ABLIM2: variants seen among roughly 807,000 people sequenced by gnomAD.
ABLIM2 encodes actin binding LIM protein family member 2.
ABLIM2 carries 53 observed loss-of-function variants against 97.7 expected under a neutral mutation model. The observed-to-expected ratio is 0.54, with a 90% CI of 0.44 to 0.68. The LOEUF (loss-of-function observed/expected upper bound fraction) is 0.68, where lower values mean the gene tolerates loss of function less well. Among genes scored for constraint, ABLIM2 ranks in the 30% least tolerant of loss-of-function variants. The probability of loss-of-function intolerance (pLI) is 0.00; values close to 1 mark genes in which losing one functional copy is unlikely to be tolerated. For synonymous variants in ABLIM2, 361 were observed against 345.8 expected, an observed-to-expected ratio of 1.04 and a Z score of -0.49; for missense variants, 835 against 867.2, an observed-to-expected ratio of 0.96 and a Z score of 0.47.
rs772319362 is a variant in ABLIM2 at position 8,095,621 on chromosome 4, C to T, written c.338+1478G>A. On this transcript the variant is annotated intron_variant, in intron 3 of 20. Transcript: ENST00000447017. This position sits in a 1 kb window ranked among gnomAD's most constrained non-coding sequence, Gnocchi z 4.7. The stretch of plus-strand genomic sequence containing the variant: ...CTGGTCTCCAGTTCCTGGTCTCAAG[C>T]GATCCTCCTACCTTGGCCTCCCGAG... Among the ~76,000 whole-genome samples, 26 of 152,082 alleles carry T rather than the reference C, an allele frequency of 1.7e-4. No individual in the cohort carries two copies. Among genetic ancestry groups the T allele is most frequent in the South Asian group, 4.1e-4 (2 of 4,822 alleles).
rs570937338 is a variant in ABLIM2 at position 8,001,101 on chromosome 4, G to C, written c.1618+6958C>G. ...GCACAGGTTCGGGTCCCCTCTCTGAGCCTTGGTGTGTCCATCTGAGGAAGA... is the reference window on the plus strand; with the variant it reads ...GCACAGGTTCGGGTCCCCTCTCTGACCCTTGGTGTGTCCATCTGAGGAAGA... On this transcript the variant is annotated intron_variant, in intron 16 of 20. Transcript: ENST00000447017. The surrounding 1 kb of genome is among the most constrained non-coding windows in gnomAD (Gnocchi z 4.2). Among the ~76,000 whole-genome samples, 1 of 152,206 alleles carries C rather than the reference G, an allele frequency of 6.6e-6. No homozygotes were observed. The highest frequency in any genetic ancestry group is 1.5e-5 in the Non-Finnish European group (1 of 68,030).
intron 8 of ABLIM2, among the ~76,000 whole-genome samples, chr4:8,047,919 G>C (rs1579735533): frequency 6.6e-6 from 1 of 152,226 alleles, no homozygotes; most frequent in East Asian, 1.9e-4. Flanking sequence ...GGGTGTTTTA[G>C]AAGAAAGATT....
At chr4:8,114,481 C>T (rs1014320521) in intron 1 of ABLIM2, among the ~76,000 whole-genome samples, 8 of 152,200 alleles carry the variant, frequency 5.3e-5, no homozygotes, top group African/African-American at 1.7e-4. Context: ...GGTCATGCCT[C>T]GGTTTAAGAG....
chr4:8,134,209 A>G (rs562731818), intron 1 of ABLIM2, among the ~76,000 whole-genome samples: 3 of 152,362 alleles, frequency 2.0e-5, no homozygotes, highest in East Asian at 3.9e-4. Context: ...CTCGAAGGCC[A>G]GGACTAAGCA....
At chr4:7,993,872 A>C (rs1181691148) in intron 16 of ABLIM2, 1 of 489,852 alleles carries the variant, frequency 2.0e-6, no homozygotes, top group African/African-American at 2.0e-5. Flanking sequence ...TCCCTCCATC[A>C]CTCATGTCCC....
At chr4:8,060,644 C>A (rs188607778) in intron 7 of ABLIM2, among the ~76,000 whole-genome samples, 1 of 152,208 alleles carries the variant, frequency 6.6e-6, no homozygotes, top group African/African-American at 2.4e-5. Context: ...AAAGTGGCGA[C>A]GGATGTGATC....
chr4:8,153,657 C>A (rs1183483251), intron 1 of ABLIM2, among the ~76,000 whole-genome samples: 1 of 152,228 alleles, frequency 6.6e-6, no homozygotes, highest in Non-Finnish European at 1.5e-5. Context: ...AGTGGCCCTG[C>A]AGAACGGAAT....
At chr4:8,029,399 A>T (rs1779408381) in intron 11 of ABLIM2, among the ~76,000 whole-genome samples, 1 of 152,112 alleles carries the variant, frequency 6.6e-6, no homozygotes, top group Non-Finnish European at 1.5e-5. Context: ...TGTGTGCTCC[A>T]CGGAGGGCTC....
rs574186657 is a variant in ABLIM2 at position 7,992,075 on chromosome 4, G to A, written c.1680+791C>T. On this transcript the variant is annotated intron_variant, in intron 17 of 20. Coordinates refer to ENST00000447017, the MANE Select transcript of ABLIM2 (RefSeq NM_001130083.2). This position sits in a 1 kb window ranked among gnomAD's most constrained non-coding sequence, Gnocchi z 5.7. ...TGCGCAATGGGGAGACCCCTGGGCT[G>A]TGTGTGTGTGTCTGTGTGTTGGGGG... Among the ~76,000 whole-genome samples, 3 of 152,188 alleles carry A rather than the reference G, an allele frequency of 2.0e-5. No individual in the cohort carries two copies. Among genetic ancestry groups the A allele is most frequent in the African/African-American group, 4.8e-5 (2 of 41,516 alleles).
At chr4:8,103,967 G>A (rs1367742624) in intron 2 of ABLIM2, among the ~76,000 whole-genome samples, 1 of 152,242 alleles carries the variant, frequency 6.6e-6, no homozygotes, top group East Asian at 1.9e-4. Flanking sequence ...TGTGGCAAAT[G>A]TATCTTCAGG....
intron 7 of ABLIM2, among the ~76,000 whole-genome samples, chr4:8,056,653 CCG>C (rs1354462404): frequency 4.0e-5 from 6 of 151,662 alleles, no homozygotes; most frequent in Non-Finnish European, 7.4e-5. Flanking sequence ...CTTGAACAGG[CCG>C]GGTGCTGTGG....
chr4:8,056,465 T>C (rs1799220373), intron 7 of ABLIM2, among the ~76,000 whole-genome samples: 1 of 151,854 alleles, frequency 6.6e-6, no homozygotes. Flanking sequence ...CATGCCCAGC[T>C]AATTTTTCAT....
In ABLIM2 at chr4:7,970,200, G is replaced by T. The variant is rs534714621; in HGVS notation, c.1825-3097C>A. ...GTAGGCTGGGGTGGTGAACTGACACGTAAGTAAATATGTAAAGGAGGGGAG... is the reference window on the plus strand; with the variant it reads ...GTAGGCTGGGGTGGTGAACTGACACTTAAGTAAATATGTAAAGGAGGGGAG... On this transcript the variant is annotated intron_variant, in intron 20 of 20. Transcript: ENST00000447017. This position sits in a 1 kb window ranked among gnomAD's most constrained non-coding sequence, Gnocchi z 5.3. Among the ~76,000 whole-genome samples, 5 of 152,292 alleles carry T rather than the reference G, an allele frequency of 3.3e-5. No homozygotes were observed. Among genetic ancestry groups the T allele is most frequent in the African/African-American group, 9.6e-5 (4 of 41,578 alleles).
In ABLIM2 at chr4:7,986,734, G is replaced by A. The variant is rs959161910; in HGVS notation, c.1681-1841C>T. Among the ~76,000 whole-genome samples, 7 of 152,112 alleles carry A rather than the reference G, an allele frequency of 4.6e-5. No homozygotes were observed. The highest frequency in any genetic ancestry group is 3.4e-3 in the Middle Eastern group (1 of 294). On this transcript the variant is annotated intron_variant, in intron 17 of 20. Transcript: ENST00000447017. The surrounding 1 kb of genome is among the most constrained non-coding windows in gnomAD (Gnocchi z 4.3). ...GTCAGCCAAGCTGGAGTGCAATGGC[G>A]TGATCTCGGCTCAATGCAAACTCCA...
In ABLIM2 at chr4:7,986,320, C is replaced by T. The variant is rs180841664; in HGVS notation, c.1681-1427G>A. On this transcript the variant is annotated intron_variant, in intron 17 of 20. Transcript: ENST00000447017. The surrounding 1 kb of genome is among the most constrained non-coding windows in gnomAD (Gnocchi z 4.3). ...AGAGCAGGAAGACCTCAGAGGGCAC[C>T]GAGTCCAAAGCCCTTTATCTGAAAC... Among the ~76,000 whole-genome samples, 241 of 152,128 alleles carry T rather than the reference C, an allele frequency of 1.6e-3. 1 individual carries two copies. Among genetic ancestry groups the T allele is most frequent in the Non-Finnish European group, 2.7e-3 (185 of 68,026 alleles).
At chr4:8,084,847 G>A (rs1822293475) in intron 4 of ABLIM2, among the ~76,000 whole-genome samples, 1 of 152,242 alleles carries the variant, frequency 6.6e-6, no homozygotes, top group Non-Finnish European at 1.5e-5. Context: ...TCGGCACACA[G>A]TGGTGAATGC....
rs757430159 is a variant in ABLIM2, at chr4:8,005,360, T to G, written c.1618+2699A>C. Reference sequence around the variant, plus strand: ...GTAACGCATTTCAATTCAACAGACATTTATTGAGTGCCCACTGTGTTGGGT... The same window carrying G: ...GTAACGCATTTCAATTCAACAGACAGTTATTGAGTGCCCACTGTGTTGGGT... On this transcript the variant is annotated intron_variant, in intron 16 of 20. Transcript: ENST00000447017. This position sits in a 1 kb window ranked among gnomAD's most constrained non-coding sequence, Gnocchi z 4.9. 1 of 533,672 alleles carries G rather than the reference T, an allele frequency of 1.9e-6. No individual in the cohort carries two copies. The highest frequency in any genetic ancestry group is 3.8e-6 in the Non-Finnish European group (1 of 259,990). 33.1% of individuals were successfully genotyped at this position (533,672 alleles called of 1,614,324 possible).
At position 8,062,661 on chromosome 4, in the gene ABLIM2, G is replaced by C. The variant is rs996814885; in HGVS notation, c.676-1607C>G. ...TCACTGTGTTAGCCAGGATGGTCTC[G>C]ATCTCCTGACCTCGTGATCCGCCCG... On this transcript the variant is annotated intron_variant, in intron 6 of 20. Transcript: ENST00000447017. 8.5e-5 allele frequency among the ~76,000 whole-genome samples: 13 copies of C among 152,048 alleles called. No homozygotes were observed. In the South Asian group the frequency reaches 1.0e-3, roughly 12 times the overall value.
At chr4:8,027,587 A>C (rs1321426777) in intron 12 of ABLIM2, among the ~76,000 whole-genome samples, 172 bp downstream of exon 12, 1 of 152,152 alleles carries the variant, frequency 6.6e-6, no homozygotes, top group Non-Finnish European at 1.5e-5. Context: ...CCTTCCAGGA[A>C]CATTTGCTCA....
Sources: allele counts gnomAD v4.1 joint callset (sites outside exome capture counted in the v4.1 genomes callset), GRCh38; gene constraint gnomAD v4.1.1; non-coding constraint Gnocchi (gnomAD v3.1); transcripts MANE v1.5; gene names NCBI Gene and HGNC (gene_info 2026-07-23, HGNC 2026-07-21).